Variants in VAV2 observed in about 807,000 individuals in gnomAD.
The protein encoded by VAV2 is guanine nucleotide exchange factor VAV2.
A neutral mutation model predicts 132.5 loss-of-function variants in VAV2; 67 were observed. The ratio of observed to expected loss-of-function variants is 0.51; its 90% CI spans 0.42 to 0.62. VAV2 has a LOEUF of 0.62. VAV2 is among the 20% of genes least tolerant of loss of function. VAV2 has a pLI of 0.00. For synonymous variants in VAV2, 492 were observed against 443.5 expected (o/e 1.11, Z -1.37); for missense variants, 938 against 1,153.6 (o/e 0.81, Z 2.71).
intron 3 of VAV2, among the ~76,000 whole-genome samples, chr9:133,856,841 G>A (rs570678798): frequency 1.1e-4 from 16 of 152,174 alleles, no homozygotes; most frequent in South Asian, 2.1e-4. Flanking sequence ...ACCTTCCTGC[G>A]TCCCTCTTAA....
rs1328508665 is a variant in VAV2 at position 133,883,607 on chromosome 9, A to C, written c.322-22175T>G. Among the ~76,000 whole-genome samples the C allele has an allele frequency of 6.6e-6, 1 of 152,226 alleles. No individual in the cohort carries two copies. Among genetic ancestry groups the C allele is most frequent in the Non-Finnish European group, 1.5e-5 (1 of 68,034 alleles). On this transcript the variant is annotated intron_variant, in intron 2 of 29. Transcript: ENST00000371850. This position sits in a 1 kb window ranked among gnomAD's most constrained non-coding sequence, Gnocchi z 4.2. ...CCCAGCCACGGCAGGCAGGCGGCCC[A>C]GCAGCAGGCAGGTTTCAGCTCGGCC...
rs375701452 is a variant in VAV2, at chr9:133,780,731, G to A, written c.1724-21C>T. 9.5e-6 allele frequency: 12 copies of A among 1,269,396 alleles called. No individual in the cohort carries two copies. The African/African-American group carries it at 1.9e-4, about 20-fold the overall frequency. The allele number at this position is 1,269,396 out of a possible 1,614,324, so 78.6% of individuals were successfully genotyped here. On this transcript the variant is annotated intron_variant, in intron 19 of 29. Transcript: ENST00000371850. ...AGAAGCTGGAAAGGAAGCAGGTCAG[G>A]TGTTAGAGGGGAGGCCACCGACGCC...
At chr9:133,902,041 C>T (rs1839465004) in intron 2 of VAV2, among the ~76,000 whole-genome samples, 1 of 152,092 alleles carries the variant, frequency 6.6e-6, no homozygotes, top group African/African-American at 2.4e-5. Context: ...ACAGGTCAGA[C>T]CAGAACCTCC....
intron 1 of VAV2, among the ~76,000 whole-genome samples, chr9:133,984,061 T>G (rs1385847401): frequency 6.6e-6 from 1 of 152,142 alleles, no homozygotes; most frequent in Admixed American, 6.6e-5. Flanking sequence ...AACCTCTGCC[T>G]TCTGGGTTCA....
chr9:133,991,953 G>A lies in VAV2; in HGVS notation c.204+122C>T. The A allele has an allele frequency of 4.8e-6, 4 of 830,944 alleles. No homozygotes were observed. Among genetic ancestry groups the A allele is most frequent in the Non-Finnish European group, 6.1e-6 (4 of 658,854 alleles). 51.5% of individuals were successfully genotyped at this position (830,944 alleles called of 1,614,324 possible). A position where few individuals can be genotyped will look rare whatever the true frequency, so the allele number is the denominator to read the frequency against. On this transcript the variant is annotated intron_variant, in intron 1 of 29. Transcript: ENST00000371850. This position sits in a 1 kb window ranked among gnomAD's most constrained non-coding sequence, Gnocchi z 4.8. ...CCCTCCAGCCGCCCGCCCGCGTCCCGGAGCCCGGCCGCCCCAGCCAGGGCG... is the reference window on the plus strand; with the variant it reads ...CCCTCCAGCCGCCCGCCCGCGTCCCAGAGCCCGGCCGCCCCAGCCAGGGCG...
rs4078571 is a variant in VAV2 at position 133,834,361 on chromosome 9, G to T, written c.381-21C>A. 1 of 1,608,938 alleles carries T rather than the reference G, an allele frequency of 6.2e-7. No individual in the cohort carries two copies. Among genetic ancestry groups the T allele is most frequent in the Admixed American group, 1.7e-5 (1 of 59,470 alleles). On this transcript the variant is annotated intron_variant, in intron 3 of 29. Transcript: ENST00000371850. This position sits in a 1 kb window ranked among gnomAD's most constrained non-coding sequence, Gnocchi z 5.9. Reference sequence around the variant, plus strand: ...AAGGCCTGCGGAAGAGAAGGCGAGAGGGAGGTGAGCAGGTCCCGGCACTGC... The same window carrying T: ...AAGGCCTGCGGAAGAGAAGGCGAGATGGAGGTGAGCAGGTCCCGGCACTGC...
At chr9:133,876,236 G>A (rs1461895684) in intron 2 of VAV2, among the ~76,000 whole-genome samples, 1 of 152,194 alleles carries the variant, frequency 6.6e-6, no homozygotes, top group Middle Eastern at 3.2e-3. Flanking sequence ...CAGCGCTGCT[G>A]TTCTGGAGAA....
intron 2 of VAV2, among the ~76,000 whole-genome samples, chr9:133,869,635 A>G (rs1447062798): frequency 6.6e-6 from 1 of 152,114 alleles, no homozygotes; most frequent in African/African-American, 2.4e-5. Context: ...TTAAAAAGAA[A>G]TTGGAGCCCT....
At chr9:133,791,553 G>A (rs780575159) in intron 13 of VAV2, among the ~76,000 whole-genome samples, 268 of 101,598 alleles carry the variant, frequency 2.6e-3, no homozygotes, top group Non-Finnish European at 3.7e-3. Context: ...CCCTCCCCCC[G>A]AGCACAGGCA....
At chr9:133,938,726 G>A (rs1391165450) in intron 2 of VAV2, among the ~76,000 whole-genome samples, 3 of 152,028 alleles carry the variant, frequency 2.0e-5, no homozygotes, top group African/African-American at 7.2e-5. Flanking sequence ...TACTAACTTC[G>A]ACCCATTCTC....
intron 1 of VAV2, among the ~76,000 whole-genome samples, chr9:133,948,123 G>A (rs922130467): frequency 1.3e-5 from 2 of 152,286 alleles, no homozygotes; most frequent in Non-Finnish European, 2.9e-5. Flanking sequence ...GCTGCAGTGC[G>A]GGGCTCCCAA....
intron 2 of VAV2, among the ~76,000 whole-genome samples, chr9:133,873,110 G>A (rs1254454259): frequency 1.5e-5 from 2 of 134,712 alleles, no homozygotes; most frequent in Admixed American, 7.4e-5. Flanking sequence ...GAGGGGGCGG[G>A]GGGGTGGGGG....
intron 1 of VAV2, among the ~76,000 whole-genome samples, chr9:133,952,358 C>G (rs1286652780): frequency 6.6e-6 from 1 of 152,098 alleles, no homozygotes; most frequent in Non-Finnish European, 1.5e-5. Flanking sequence ...AGTCCCAGCA[C>G]TTTGGGAGGC....
At chr9:133,903,135 C>T (rs951550253) in intron 2 of VAV2, among the ~76,000 whole-genome samples, 3 of 150,788 alleles carry the variant, frequency 2.0e-5, no homozygotes, top group African/African-American at 4.9e-5. Flanking sequence ...AGAGGAAAGA[C>T]GACAAGAATA....
At chr9:133,957,858 A>C (rs1402645956) in intron 1 of VAV2, among the ~76,000 whole-genome samples, 2 of 151,742 alleles carry the variant, frequency 1.3e-5, no homozygotes, top group East Asian at 3.9e-4. Flanking sequence ...CCATTTTGTT[A>C]TGTACTAAGA....
chr9:133,905,455 CAAA>C (rs1839615535), intron 2 of VAV2, among the ~76,000 whole-genome samples: 3 of 115,314 alleles, frequency 2.6e-5, no homozygotes, highest in Admixed American at 8.5e-5. Context: ...AAAAAAGAAA[CAAA>C]AGAAGAAGAA....
intron 1 of VAV2, among the ~76,000 whole-genome samples, chr9:133,979,087 G>A (rs1032376031): frequency 6.6e-6 from 1 of 152,250 alleles, no homozygotes; most frequent in African/African-American, 2.4e-5. Flanking sequence ...CACATGGGGA[G>A]GGGCACTGAG....
intron 2 of VAV2, among the ~76,000 whole-genome samples, chr9:133,905,450 A>AAAAAAAAG (rs1554805369): frequency 4.1e-5 from 6 of 144,844 alleles, no homozygotes; most frequent in African/African-American, 1.3e-4. Context: ...AAAAAAAAAA[A>AAAAAAAAG]GAAACAAAAG....
At chr9:133,873,666 T>A (rs1433038095) in intron 2 of VAV2, among the ~76,000 whole-genome samples, 1 of 152,120 alleles carries the variant, frequency 6.6e-6, no homozygotes, top group Non-Finnish European at 1.5e-5. Flanking sequence ...GGCAGCTGCA[T>A]CAGGCGGCAG....
Sources: gnomAD v4.1 joint callset for allele counts (sites outside exome capture counted in the v4.1 genomes callset) on GRCh38, gnomAD v4.1.1 for gene constraint, Gnocchi (gnomAD v3.1) non-coding constraint, MANE v1.5 for transcripts, NCBI Gene and HGNC (gene_info 2026-07-23, HGNC 2026-07-21) for gene names.